Variants in PATJ observed in about 807,000 individuals in gnomAD.
PATJ encodes inaD-like protein.
Under a neutral mutation model 224.9 loss-of-function variants are expected in PATJ, and 190 were observed. The observed-to-expected ratio is 0.84, with a 90% CI of 0.75 to 0.95. PATJ has a LOEUF of 0.95. PATJ is among the 40% of genes least tolerant of loss of function. The probability of loss-of-function intolerance (pLI) is 0.00; values close to 1 mark genes in which losing one functional copy is unlikely to be tolerated. For missense variants in PATJ, 2,121 were observed against 2,270.3 expected (o/e 0.93, Z 1.34); for synonymous variants, 769 against 820.3 (o/e 0.94, Z 1.07).
At chr1:61,819,812 C>T (rs1306582496) in intron 14 of PATJ, among the ~76,000 whole-genome samples, 1 of 152,150 alleles carries the variant, frequency 6.6e-6, no homozygotes, top group African/African-American at 2.4e-5. Context: ...CTTGTCCCAC[C>T]TGCATTTAGC....
intron 33 of PATJ, among the ~76,000 whole-genome samples, chr1:62,097,618 C>G (rs944781643): frequency 7.2e-5 from 11 of 152,162 alleles, no homozygotes; most frequent in Non-Finnish European, 1.5e-4. Context: ...CTGGGTTAAC[C>G]TGACAGCAAG....
chr1:61,978,579 T>G (rs1644279035), intron 27 of PATJ, among the ~76,000 whole-genome samples: 1 of 152,086 alleles, frequency 6.6e-6, no homozygotes, highest in South Asian at 2.1e-4. Flanking sequence ...CTGTTTCTTC[T>G]GATAAGTTAC....
In PATJ at chr1:62,051,574, G is replaced by A. The variant is rs193161180; in HGVS notation, c.4125+516G>A. Reference sequence around the variant, plus strand: ...ACTCCTGACCTCAGATGATCCATCCGCCTTGGCCTCCCAAAGTGCTGGGTT... The same window carrying A: ...ACTCCTGACCTCAGATGATCCATCCACCTTGGCCTCCCAAAGTGCTGGGTT... On this transcript the variant is annotated intron_variant, in intron 31 of 43. Coordinates refer to ENST00000642238, the MANE Select transcript of PATJ (RefSeq NM_001350145.3). Among the ~76,000 whole-genome samples, 586 of 152,212 alleles carry A rather than the reference G, an allele frequency of 3.8e-3. 10 individuals are homozygous for A. The highest frequency in any genetic ancestry group is 0.035 in the Admixed American group (527 of 15,270).
intron 1 of PATJ, among the ~76,000 whole-genome samples, chr1:61,762,195 C>A (rs1372256972): frequency 6.6e-6 from 1 of 152,068 alleles, no homozygotes; most frequent in East Asian, 1.9e-4. Context: ...TTCCCTATGA[C>A]CCTGCCCCAG....
intron 27 of PATJ, among the ~76,000 whole-genome samples, chr1:61,987,513 C>A (rs973024834): frequency 1.3e-5 from 2 of 152,024 alleles, no homozygotes; most frequent in African/African-American, 4.8e-5. Context: ...CCCTATAAGT[C>A]CAATAAACAA....
chr1:62,114,331 T>A, intron 35 of PATJ, 85 bp downstream of exon 35: 1 of 1,171,358 alleles, frequency 8.5e-7, no homozygotes, highest in Non-Finnish European at 1.2e-6. Context: ...AAGCCTAATG[T>A]AAAGTAGTGA....
In PATJ at chr1:62,153,401, G is replaced by T. The variant is rs1272649756; in HGVS notation, c.5422G>T (p.Gly1808Cys). 3.2e-6 allele frequency: 4 copies of T among 1,231,666 alleles called. No homozygotes were observed. In the East Asian group the frequency reaches 1.3e-4, roughly 39 times the overall value. The allele number at this position is 1,231,666 out of a possible 1,614,324, so 76.3% of individuals were successfully genotyped here. The change falls in exon 43 of 44, where the codon GGC (glycine) becomes TGC (cysteine). Residue 1808 changes from glycine (G) to cysteine (C), a missense_variant. By Grantham distance (159) the Gly-to-Cys change is radical. Transcript: ENST00000642238. ...TATTACTTTGGAGAAAGGCTCTGAA[G>T]GCTTGGGGTTTAGTATTGTAGGGGG... is the stretch of plus-strand genomic sequence containing the variant. Reference protein sequence around the residue: ...KIITLEKGSEGLGFSIVGGYG... With the variant: ...KIITLEKGSECLGFSIVGGYG...
chr1:61,871,437 G>GTGTATA (rs1553185997), intron 20 of PATJ, among the ~76,000 whole-genome samples: 1 of 107,366 alleles, frequency 9.3e-6, no homozygotes, highest in Non-Finnish European at 1.9e-5. Flanking sequence ...ATATATATGT[G>GTGTATA]TATATACACA....
At chr1:61,815,393 C>T (rs1449407838) in intron 14 of PATJ, among the ~76,000 whole-genome samples, 1 of 152,158 alleles carries the variant, frequency 6.6e-6, no homozygotes, top group Non-Finnish European at 1.5e-5. Flanking sequence ...CAGGTAACAC[C>T]AGTGGGAGGT....
chr1:61,926,434 G>GT (rs1675220743), intron 26 of PATJ, among the ~76,000 whole-genome samples: 1 of 152,118 alleles, frequency 6.6e-6, no homozygotes, highest in Admixed American at 6.6e-5. Context: ...CTTAATATTA[G>GT]TTTAAAACCT....
At chr1:61,934,201 C>T (rs1477035381) in intron 27 of PATJ, among the ~76,000 whole-genome samples, 1 of 152,242 alleles carries the variant, frequency 6.6e-6, no homozygotes, top group East Asian at 1.9e-4. Flanking sequence ...TCACCGCAAC[C>T]TCTGCCTCCC....
chr1:61,956,339 A>G (rs1680438355), intron 27 of PATJ, among the ~76,000 whole-genome samples: 1 of 152,212 alleles, frequency 6.6e-6, no homozygotes, highest in African/African-American at 2.4e-5. Context: ...CCTAAGTAAG[A>G]TGGAAATGTA....
At chr1:61,791,256 A>G in intron 8 of PATJ, 92 bp from the exon 9 acceptor site, 2 of 686,168 alleles carry the variant, frequency 2.9e-6, no homozygotes, top group Non-Finnish European at 4.9e-6. Flanking sequence ...CATAGATGCT[A>G]AGAAAATACT....
At chr1:61,996,741 CTTTTTT>C (rs56215259) in intron 28 of PATJ, among the ~76,000 whole-genome samples, 1 of 97,736 alleles carries the variant, frequency 1.0e-5, no homozygotes, top group Non-Finnish European at 2.0e-5. Flanking sequence ...CTTTTCTTTT[CTTTTTT>C]TTTTTTTTTT....
At chr1:62,071,278 G>A (rs188827570) in intron 31 of PATJ, among the ~76,000 whole-genome samples, 1 of 152,158 alleles carries the variant, frequency 6.6e-6, no homozygotes, top group East Asian at 1.9e-4. Context: ...TAGGAACATG[G>A]GGCTACCATA....
chr1:62,131,206 C>A (rs998474574), intron 41 of PATJ, among the ~76,000 whole-genome samples: 1 of 152,180 alleles, frequency 6.6e-6, no homozygotes, highest in African/African-American at 2.4e-5. Flanking sequence ...TGGAAACCTA[C>A]ACAGTTAACT....
At chr1:61,759,991 T>C (rs903418509) in intron 1 of PATJ, among the ~76,000 whole-genome samples, 4 of 152,204 alleles carry the variant, frequency 2.6e-5, no homozygotes, top group African/African-American at 9.6e-5. Context: ...TGTCATCTTA[T>C]TGTTTTAGTT....
At chr1:62,101,422 C>G (rs1161176961) in intron 33 of PATJ, among the ~76,000 whole-genome samples, 2 of 151,958 alleles carry the variant, frequency 1.3e-5, no homozygotes, top group African/African-American at 4.8e-5. Flanking sequence ...ACTATCACGC[C>G]CAGCTAATTT....
chr1:61,786,807 G>A (rs1648638017), intron 7 of PATJ, among the ~76,000 whole-genome samples: 2 of 152,050 alleles, frequency 1.3e-5, no homozygotes, highest in South Asian at 4.1e-4. Flanking sequence ...CTGACATGGT[G>A]AAACCCCATC....
Sources: gnomAD v4.1 joint callset for allele counts (sites outside exome capture counted in the v4.1 genomes callset) on GRCh38, gnomAD v4.1.1 for gene constraint, MANE v1.5 for transcripts, NCBI Gene and HGNC (gene_info 2026-07-23, HGNC 2026-07-21) for gene names.